TMEM260: variants seen among roughly 807,000 people sequenced by gnomAD.
TMEM260 encodes the protein transmembrane protein 260, also known as protein O-mannosyl-transferase TMEM260.
In TMEM260, 82 loss-of-function variants were observed where a neutral mutation model predicts 88.9. The ratio of observed to expected loss-of-function variants is 0.92; its 90% CI spans 0.77 to 1.11. The LOEUF is 1.11. TMEM260 is among the 50% of genes least tolerant of loss of function. The pLI is 0.00. For synonymous variants in TMEM260, 314 were observed against 309.3 expected, an observed-to-expected ratio of 1.02 and a Z score of -0.16; for missense variants, 902 against 853.4, an observed-to-expected ratio of 1.06 and a Z score of -0.71.
At chr14:56,597,304 T>C (rs1397346916) in intron 3 of TMEM260, among the ~76,000 whole-genome samples, 1 of 152,236 alleles carries the variant, frequency 6.6e-6, no homozygotes, top group African/African-American at 2.4e-5. Context: ...ATTAGAAATG[T>C]TCAACTGATA....
At chr14:56,618,813 T>G (rs1044969724) in intron 10 of TMEM260, 50 bp downstream of exon 10, 1 of 1,530,016 alleles carries the variant, frequency 6.5e-7, no homozygotes, top group Non-Finnish European at 9.0e-7. Flanking sequence ...CAGAGATACC[T>G]GAATATTTAG....
At chr14:56,597,981 A>G (rs1004905106) in intron 3 of TMEM260, among the ~76,000 whole-genome samples, 4 of 152,288 alleles carry the variant, frequency 2.6e-5, no homozygotes, top group South Asian at 2.1e-4. Flanking sequence ...TTGAGGTTCT[A>G]TGGGGCATCC....
chr14:56,620,299 T>TA (rs1269693461), intron 10 of TMEM260, among the ~76,000 whole-genome samples: 2 of 152,088 alleles, frequency 1.3e-5, no homozygotes, highest in South Asian at 2.1e-4. Flanking sequence ...AAATAAAAGT[T>TA]AAAAAAACCC....
chr14:56,615,331 G>A (rs1017254447), intron 7 of TMEM260: 3 of 152,080 alleles, frequency 2.0e-5, no homozygotes, highest in Non-Finnish European at 4.4e-5. Flanking sequence ...TTTAACACCT[G>A]AAAATGCATA....
chr14:56,594,208 CT>C (rs1886068925), intron 3 of TMEM260, among the ~76,000 whole-genome samples: 1 of 152,022 alleles, frequency 6.6e-6, no homozygotes. Context: ...ACATTTTTTT[CT>C]CATATCTAAT....
intron 9 of TMEM260, 107 bp from the exon 10 acceptor site, chr14:56,618,487 A>C (rs1290282468): frequency 3.1e-6 from 3 of 974,608 alleles, no homozygotes; most frequent in Non-Finnish European, 4.6e-6. Context: ...GAATGACAAC[A>C]GGCACACACA....
At chr14:56,652,176 C>G (rs1016152241), downstream of TMEM260, among the ~76,000 whole-genome samples, 5 of 152,138 alleles carry the variant, frequency 3.3e-5, no homozygotes, top group Admixed American at 6.5e-5. Flanking sequence ...ACCCATTACC[C>G]TGGATCCTTG....
At chr14:56,638,408 G>C (rs900986969) in intron 15 of TMEM260, 1 of 151,944 alleles carries the variant, frequency 6.6e-6, no homozygotes, top group East Asian at 1.9e-4. Context: ...GTAATTCTAT[G>C]AAAAACAAGT....
chr14:56,626,248 G>C (rs1251207462), intron 12 of TMEM260, among the ~76,000 whole-genome samples: 1 of 152,042 alleles, frequency 6.6e-6, no homozygotes. Context: ...TGGTATTTTG[G>C]GTGTTTAGAG....
At chr14:56,626,396 C>T (rs1888246993) in intron 12 of TMEM260, among the ~76,000 whole-genome samples, 1 of 152,044 alleles carries the variant, frequency 6.6e-6, no homozygotes, top group African/African-American at 2.4e-5. Flanking sequence ...TGTGAATTTT[C>T]GAGAATTCAA....
At chr14:56,580,445 A>G (rs1312544568) in intron 1 of TMEM260, among the ~76,000 whole-genome samples, 1 of 152,244 alleles carries the variant, frequency 6.6e-6, no homozygotes, top group African/African-American at 2.4e-5. Context: ...AGTAGTGGCG[A>G]ACAGATAATT....
intron 14 of TMEM260, among the ~76,000 whole-genome samples, chr14:56,635,506 A>ATACTT (rs1373109830): frequency 4.0e-5 from 6 of 149,582 alleles, no homozygotes; most frequent in Admixed American, 2.6e-4. Context: ...GATGGAGCCT[A>ATACTT]TACTTTCCTG....
At chr14:56,611,142 GTTT>G (rs1219476134) in intron 6 of TMEM260, among the ~76,000 whole-genome samples, 3 of 151,386 alleles carry the variant, frequency 2.0e-5, no homozygotes, top group South Asian at 2.1e-4. Flanking sequence ...AATTTTTTGT[GTTT>G]TTAGTAGAGA....
At chr14:56,645,594 G>C (rs561332302) in intron 15 of TMEM260, among the ~76,000 whole-genome samples, 1 of 151,862 alleles carries the variant, frequency 6.6e-6, no homozygotes, top group South Asian at 2.1e-4. Context: ...GTATACATAT[G>C]TAACAAACCT....
At chr14:56,636,663 A>G (rs72711229) in intron 15 of TMEM260, 65 bp downstream of exon 15, 39,325 of 1,379,070 alleles carry the variant, frequency 0.029, 920 homozygotes, top group East Asian at 0.082. Context: ...GATTGTTCAG[A>G]ATGGATAGAG....
intron 3 of TMEM260, among the ~76,000 whole-genome samples, chr14:56,586,213 T>C (rs1442270411): frequency 6.6e-6 from 1 of 152,162 alleles, no homozygotes; most frequent in Non-Finnish European, 1.5e-5. Flanking sequence ...AATTCAACAA[T>C]ATGAGGTTCA....
the TMEM260 span, among the ~76,000 whole-genome samples, chr14:56,655,817 A>G: frequency 6.6e-6 from 1 of 152,140 alleles, no homozygotes; most frequent in East Asian, 1.9e-4. Flanking sequence ...GATGAAGCCA[A>G]CACCTTAACA....
intron 15 of TMEM260, among the ~76,000 whole-genome samples, chr14:56,643,367 A>G (rs986121022): frequency 2.0e-4 from 30 of 152,370 alleles, no homozygotes; most frequent in African/African-American, 6.7e-4. Flanking sequence ...ACGCAAATCA[A>G]TCAATGTAAT....
At chr14:56,639,005 T>A (rs768132934) in intron 15 of TMEM260, among the ~76,000 whole-genome samples, 1 of 152,174 alleles carries the variant, frequency 6.6e-6, no homozygotes, top group Admixed American at 6.5e-5. Context: ...AATGTGTCAG[T>A]AACAAAATAT....
Sources: gnomAD v4.1 joint callset for allele counts (sites outside exome capture counted in the v4.1 genomes callset) on GRCh38, gnomAD v4.1.1 for gene constraint, MANE v1.5 for transcripts, NCBI Gene and HGNC (gene_info 2026-07-23, HGNC 2026-07-21) for gene names.